Variants in SEC24A observed in about 807,000 individuals in gnomAD.
SEC24A encodes SEC24 homolog A, COPII component, also known as protein transport protein Sec24A.
SEC24A carries 93 observed loss-of-function variants against 129.4 expected under a neutral mutation model. The ratio of observed to expected loss-of-function variants is 0.72; its 90% confidence interval spans 0.61 to 0.85. The LOEUF is 0.85. Among genes scored for constraint, SEC24A ranks in the 40% least tolerant of loss-of-function variants. SEC24A has a pLI of 0.00. For synonymous variants in SEC24A, 460 were observed against 467.3 expected (o/e 0.98, Z 0.20); for missense variants, 1,264 against 1,307.4 (o/e 0.97, Z 0.51).
At chr5:134,716,760 T>C (rs1752487442) in intron 19 of SEC24A, among the ~76,000 whole-genome samples, 1 of 143,004 alleles carries the variant, frequency 7.0e-6, no homozygotes, top group Admixed American at 7.2e-5. Context: ...ATCATGCCAT[T>C]GCACTCCAGC....
At chr5:134,674,908 C>T in intron 5 of SEC24A, 133 bp downstream of exon 5, 1 of 1,124,704 alleles carries the variant, frequency 8.9e-7, no homozygotes, top group Non-Finnish European at 1.2e-6. Flanking sequence ...TTCATAAAGC[C>T]TTTGTCTTTA....
chr5:134,679,527 G>C, intron 7 of SEC24A, 75 bp from the exon 8 acceptor site: 4 of 1,045,176 alleles, frequency 3.8e-6, no homozygotes, highest in South Asian at 3.2e-5. Context: ...TATTTAGACA[G>C]GATGGATTCA....
chr5:134,660,620 A>T (rs1299631758), intron 1 of SEC24A, among the ~76,000 whole-genome samples: 1 of 143,750 alleles, frequency 7.0e-6, no homozygotes, highest in Non-Finnish European at 1.5e-5. Flanking sequence ...CAATGGTGTG[A>T]CCTTGGCTCA....
intron 1 of SEC24A, among the ~76,000 whole-genome samples, chr5:134,658,072 C>T (rs1370249346): frequency 6.6e-6 from 1 of 152,118 alleles, no homozygotes; most frequent in East Asian, 1.9e-4. Flanking sequence ...AGTTCAAGAA[C>T]AGCCTGGCCA....
chr5:134,707,408 C>T (rs1166170952), intron 17 of SEC24A, among the ~76,000 whole-genome samples: 1 of 151,792 alleles, frequency 6.6e-6, no homozygotes, highest in Non-Finnish European at 1.5e-5. Flanking sequence ...CGGCTCACTG[C>T]AACCTCCACC....
chr5:134,691,148 G>A lies in SEC24A; in HGVS notation c.1724-1454G>A, dbSNP rs186088855. 1.6e-4 allele frequency among the ~76,000 whole-genome samples: 23 copies of A among 145,846 alleles called. No homozygotes were observed. The East Asian group carries it at 4.8e-3, about 30-fold the overall frequency. On this transcript the variant is annotated intron_variant, in intron 11 of 22. Transcript: ENST00000398844. ...GATTATAGCAGGCATGAACCACCAT[G>A]CCCGGCCTCCATAGTCCCATTCTTT...
chr5:134,708,727 A>T lies in SEC24A; in HGVS notation c.2566A>T (p.Met856Leu). ...LLANMAVDRS[M>L]TASLSDARDA... ...ACCTTGCTTAGCTGTTGACAGATCT[A>T]TGACTGCCAGTCTGAGTGACGCTCG... The change falls in exon 18 of 23, where the codon ATG (methionine) becomes TTG (leucine). Residue 856 changes from methionine (M) to leucine (L), a missense_variant. By Grantham distance (15) the Met-to-Leu change is conservative. Coordinates refer to ENST00000398844, the MANE Select transcript of SEC24A (RefSeq NM_021982.3). The T allele has an allele frequency of 6.2e-7, 1 of 1,613,304 alleles. No homozygotes were observed. Among genetic ancestry groups the T allele is most frequent in the Non-Finnish European group, 8.5e-7 (1 of 1,179,826 alleles).
chr5:134,650,797 G>A (rs961102211), intron 1 of SEC24A, among the ~76,000 whole-genome samples: 4 of 151,056 alleles, frequency 2.6e-5, no homozygotes, highest in Admixed American at 6.6e-5. Context: ...TTTTTGAGAC[G>A]GAGTTTTGCT....
chr5:134,678,692 C>T (rs927359992), intron 7 of SEC24A, among the ~76,000 whole-genome samples: 1 of 151,992 alleles, frequency 6.6e-6, no homozygotes, highest in Non-Finnish European at 1.5e-5. Flanking sequence ...AGCAATTCTC[C>T]TGCCTCAGCC....
chr5:134,688,256 A>G lies in SEC24A; in HGVS notation c.1680A>G (p.Glu560=), dbSNP rs748511419. The G allele has an allele frequency of 2.5e-6, 4 of 1,610,644 alleles. No individual in the cohort carries two copies. In the South Asian group the frequency reaches 3.3e-5, roughly 13 times the overall value. The part of the protein sequence containing the change: ...DSTIHFYGLQ[E]SLSQPQMLIV... The stretch of plus-strand genomic sequence containing the variant: ...CAATCCATTTCTACGGTCTTCAGGA[A>G]AGTCTCTCTCAACCTCAGATGCTAA... Residue 560 remains glutamate (E), a synonymous_variant, in exon 11 of 23, where the codon GAA becomes GAG. Coordinates refer to ENST00000398844, the MANE Select transcript of SEC24A (RefSeq NM_021982.3).
chr5:134,693,458 T>G, intron 12 of SEC24A: 1 of 1,375,392 alleles, frequency 7.3e-7, no homozygotes, highest in Non-Finnish European at 9.4e-7. Context: ...ACTGTGATGG[T>G]TCTTTTGGAT....
At chr5:134,663,461 G>C (rs1299036390) in intron 2 of SEC24A, among the ~76,000 whole-genome samples, 1 of 152,138 alleles carries the variant, frequency 6.6e-6, no homozygotes, top group Admixed American at 6.6e-5. Flanking sequence ...CAGATCTAAA[G>C]TATAAGACTT....
intron 1 of SEC24A, among the ~76,000 whole-genome samples, chr5:134,656,217 G>C (rs186250639): frequency 1.3e-5 from 2 of 151,424 alleles, no homozygotes; most frequent in Non-Finnish European, 2.9e-5. Flanking sequence ...GGAGTAGCTG[G>C]GACCACCGGC....
Position 134,674,306 on chromosome 5 carries a change from G to A in SEC24A, c.818-309G>A, listed in dbSNP as rs374004583. On this transcript the variant is annotated intron_variant, in intron 4 of 22. Transcript: ENST00000398844. Reference sequence around the variant, plus strand: ...TTTATGTGTTGATTTAAAGCATTCTGGGCCAGGCATGGTGGCCTACGCCTG... The same window carrying A: ...TTTATGTGTTGATTTAAAGCATTCTAGGCCAGGCATGGTGGCCTACGCCTG... 4.6e-5 allele frequency among the ~76,000 whole-genome samples: 7 copies of A among 152,128 alleles called. No homozygotes were observed. In the South Asian group the frequency reaches 1.5e-3, roughly 32 times the overall value.
At chr5:134,687,036 C>A in intron 10 of SEC24A, 134 bp downstream of exon 10, 2 of 496,330 alleles carry the variant, frequency 4.0e-6, no homozygotes, top group South Asian at 3.2e-5. Flanking sequence ...TAATTTAGGC[C>A]TCACTTTCTC....
chr5:134,704,345 G>A (rs1752091256), intron 16 of SEC24A, among the ~76,000 whole-genome samples: 1 of 152,142 alleles, frequency 6.6e-6, no homozygotes, highest in African/African-American at 2.4e-5. Context: ...TGGGATTACA[G>A]GCATGAGCCA....
At chr5:134,677,877 G>T (rs1247329429) in intron 7 of SEC24A, among the ~76,000 whole-genome samples, 2 of 151,522 alleles carry the variant, frequency 1.3e-5, no homozygotes, top group Non-Finnish European at 2.9e-5. Context: ...TTAAAGATGA[G>T]ATGCTATGTC....
intron 19 of SEC24A, among the ~76,000 whole-genome samples, chr5:134,716,904 G>T (rs546167720): frequency 6.7e-6 from 1 of 149,394 alleles, no homozygotes; most frequent in South Asian, 2.1e-4. Context: ...TTTGAGACAG[G>T]GTTTTGCACT....
chr5:134,656,963 T>A (rs1240764514), intron 1 of SEC24A, among the ~76,000 whole-genome samples: 1 of 150,850 alleles, frequency 6.6e-6, no homozygotes, highest in Non-Finnish European at 1.5e-5. Flanking sequence ...GTCAAGAAGA[T>A]CCCTTGAGCC....
Sources: gnomAD v4.1 joint callset for allele counts (sites outside exome capture counted in the v4.1 genomes callset) on GRCh38, gnomAD v4.1.1 for gene constraint, MANE v1.5 for transcripts, NCBI Gene and HGNC (gene_info 2026-07-23, HGNC 2026-07-21) for gene names.